Variants in SUGCT observed in about 807,000 individuals in gnomAD.
The protein encoded by SUGCT is succinyl-CoA:glutarate-CoA transferase, also known as succinyl-CoA:glutarate CoA-transferase.
Under a neutral mutation model 55.0 loss-of-function variants are expected in SUGCT, and 41 were observed. That is an observed-to-expected ratio of 0.74 (90% CI 0.58 to 0.97). The LOEUF (loss-of-function observed/expected upper bound fraction) is 0.97, where lower values mean the gene tolerates loss of function less well. Ranked by LOEUF, SUGCT falls within the 50% of genes least tolerant of loss-of-function variation. The pLI is 0.00. For missense variants in SUGCT, 568 were observed against 547.8 expected (o/e 1.04, Z -0.37); for synonymous variants, 187 against 200.4 (o/e 0.93, Z 0.56).
chr7:40,836,567 A>G (rs776239465), intron 13 of SUGCT, among the ~76,000 whole-genome samples: 1 of 152,184 alleles, frequency 6.6e-6, no homozygotes, highest in Non-Finnish European at 1.5e-5. Context: ...ATTCCATCAC[A>G]AGGATCCCTC....
intron 9 of SUGCT, among the ~76,000 whole-genome samples, chr7:40,406,039 C>G (rs1195038130): frequency 6.6e-6 from 1 of 151,952 alleles, no homozygotes; most frequent in African/African-American, 2.4e-5. Flanking sequence ...CTTAAATCAG[C>G]CTCCCTGAAA....
rs1788750067 is a variant in SUGCT at position 40,445,196 on chromosome 7, A to G, written c.817-4091A>G. On this transcript the variant is annotated intron_variant, in intron 9 of 13. Coordinates refer to ENST00000335693, the MANE Select transcript of SUGCT (RefSeq NM_001193313.2). ...GACACAAAAAACCCTTAAAAAAATC[A>G]ATGAATTCAGGAGCTAGCTTTTTGA... Among the ~76,000 whole-genome samples, 9 of 152,136 alleles carry G rather than the reference A, an allele frequency of 5.9e-5. No individual in the cohort carries two copies. In the South Asian group the frequency reaches 1.9e-3, roughly 31 times the overall value.
intron 12 of SUGCT, among the ~76,000 whole-genome samples, chr7:40,730,060 A>G (rs1319656358): frequency 6.6e-6 from 1 of 152,178 alleles, no homozygotes; most frequent in Non-Finnish European, 1.5e-5. Context: ...AACATGAAGC[A>G]GGGGAATGAC....
the SUGCT span, among the ~76,000 whole-genome samples, chr7:41,010,391 A>G: frequency 2.6e-5 from 4 of 152,230 alleles, no homozygotes; most frequent in African/African-American, 9.6e-5. Context: ...AAAAAAATGG[A>G]TAGGATTAGT....
intron 7 of SUGCT, among the ~76,000 whole-genome samples, chr7:40,238,555 T>A (rs1189431603): frequency 6.6e-6 from 1 of 152,164 alleles, no homozygotes; most frequent in East Asian, 1.9e-4. Context: ...CTTCTTCTAG[T>A]TAATTCTTCA....
the SUGCT span, among the ~76,000 whole-genome samples, chr7:40,993,529 A>G: frequency 6.6e-6 from 1 of 152,120 alleles, no homozygotes; most frequent in Non-Finnish European, 1.5e-5. Flanking sequence ...GGTTCCCTTC[A>G]TTGTTGGGTG....
intron 8 of SUGCT, among the ~76,000 whole-genome samples, chr7:40,305,086 C>T (rs571975198): frequency 3.9e-5 from 6 of 152,242 alleles, no homozygotes; most frequent in South Asian, 4.1e-4. Context: ...ACCCTGAATA[C>T]GGGGCCTCAG....
At chr7:40,549,499 A>C (rs1272413786) in intron 12 of SUGCT, among the ~76,000 whole-genome samples, 3 of 152,122 alleles carry the variant, frequency 2.0e-5, no homozygotes, top group African/African-American at 7.2e-5. Context: ...CTGCCTTAGG[A>C]ATTTATTATC....
chr7:40,369,250 G>T (rs1381628925), intron 9 of SUGCT, among the ~76,000 whole-genome samples: 1 of 152,108 alleles, frequency 6.6e-6, no homozygotes, highest in Non-Finnish European at 1.5e-5. Flanking sequence ...CAAAATTCTT[G>T]TTGTAATTGT....
At chr7:40,746,634 T>A (rs1787746865) in intron 12 of SUGCT, among the ~76,000 whole-genome samples, 1 of 151,988 alleles carries the variant, frequency 6.6e-6, no homozygotes, top group Admixed American at 6.5e-5. Flanking sequence ...TAGACAGCAA[T>A]CGGCATAGGG....
chr7:41,005,390 AG>A, the SUGCT span, among the ~76,000 whole-genome samples: 1 of 152,140 alleles, frequency 6.6e-6, no homozygotes, highest in Non-Finnish European at 1.5e-5. Context: ...GAGGGATAAA[AG>A]AGGTGTCTCC....
chr7:40,147,136 G>A (rs1178541906), intron 1 of SUGCT, among the ~76,000 whole-genome samples: 1 of 151,510 alleles, frequency 6.6e-6, no homozygotes, highest in Non-Finnish European at 1.5e-5. Flanking sequence ...AGCCGCTTAT[G>A]CTGCTGTTCT....
intron 12 of SUGCT, among the ~76,000 whole-genome samples, chr7:40,643,949 C>T (rs770218452): frequency 1.1e-4 from 17 of 152,162 alleles, no homozygotes; most frequent in Non-Finnish European, 2.5e-4. Flanking sequence ...GTTCTTCTTT[C>T]CCTTTGTGCT....
intron 12 of SUGCT, among the ~76,000 whole-genome samples, chr7:40,548,301 C>T (rs542008070): frequency 5.3e-5 from 8 of 151,140 alleles, no homozygotes; most frequent in African/African-American, 7.3e-5. Flanking sequence ...TGCTCCTCCC[C>T]GCTAAACTGT....
the SUGCT span, among the ~76,000 whole-genome samples, chr7:40,891,223 G>A: frequency 6.6e-6 from 1 of 152,070 alleles, no homozygotes; most frequent in Non-Finnish European, 1.5e-5. Flanking sequence ...GAAAGAGAAT[G>A]GAACAGAAAG....
At chr7:40,808,136 A>C (rs1791210800) in intron 13 of SUGCT, 1 of 152,156 alleles carries the variant, frequency 6.6e-6, no homozygotes, top group Non-Finnish European at 1.5e-5. Flanking sequence ...CTCCACCCTT[A>C]CCCTGTTTGT....
chr7:40,186,839 T>G (rs1785544517), intron 3 of SUGCT, among the ~76,000 whole-genome samples: 1 of 152,204 alleles, frequency 6.6e-6, no homozygotes, highest in Non-Finnish European at 1.5e-5. Flanking sequence ...GAGCAGTGTC[T>G]GTGACATAGT....
At chr7:40,249,357 T>C (rs1282015207) in intron 7 of SUGCT, among the ~76,000 whole-genome samples, 3 of 102,124 alleles carry the variant, frequency 2.9e-5, no homozygotes, top group African/African-American at 1.1e-4. Context: ...AATTATATTA[T>C]ATAGAATATA....
chr7:40,238,650 CTTAT>C (rs1789164250), intron 7 of SUGCT, among the ~76,000 whole-genome samples: 2 of 119,428 alleles, frequency 1.7e-5, no homozygotes, highest in South Asian at 5.3e-4. Flanking sequence ...TTTAATTTTA[CTTAT>C]TAATTAATTA....
Sources: allele counts gnomAD v4.1 joint callset (sites outside exome capture counted in the v4.1 genomes callset), GRCh38; gene constraint gnomAD v4.1.1; transcripts MANE v1.5; gene names NCBI Gene and HGNC (gene_info 2026-07-23, HGNC 2026-07-21).